Variants in STRBP observed in about 807,000 individuals in gnomAD.
STRBP encodes the protein spermatid perinuclear RNA-binding protein.
Under a neutral mutation model 80.1 loss-of-function variants are expected in STRBP, and 13 were observed. The observed-to-expected ratio is 0.16, with a 90% CI of 0.11 to 0.26. The LOEUF is 0.26. Among genes scored for constraint, STRBP ranks in the 10% least tolerant of loss-of-function variants. The pLI, the probability that STRBP is intolerant of heterozygous loss-of-function variation, is 1.00. For missense variants in STRBP, 485 were observed against 815.2 expected (o/e 0.59, Z 4.93); for synonymous variants, 284 against 291.2 (o/e 0.98, Z 0.25).
rs1451117071 is a variant in STRBP at position 123,122,932 on chromosome 9, GA to G, written c.*2664del. On this transcript the variant is annotated 3_prime_UTR_variant, in exon 19 of 19. Transcript: ENST00000348403. ...TACAGATATTGCTAGGTTTCCAAAGGAAAAGTTTTAAAACAGACACCGTGGC... is the reference window on the plus strand; with the variant it reads ...TACAGATATTGCTAGGTTTCCAAAGGAAAGTTTTAAAACAGACACCGTGGC... The G allele has an allele frequency of 1.6e-5, 16 of 985,338 alleles. No individual in the cohort carries two copies. The highest frequency in any genetic ancestry group is 1.8e-5 in the Non-Finnish European group (15 of 829,968). 61.0% of individuals were successfully genotyped at this position (985,338 alleles called of 1,614,324 possible).
At chr9:123,211,720 A>G (rs934781731) in intron 2 of STRBP, among the ~76,000 whole-genome samples, 2 of 152,212 alleles carry the variant, frequency 1.3e-5, no homozygotes, top group African/African-American at 2.4e-5. Context: ...AAGAGTTGTT[A>G]TACTATTTTC....
intron 4 of STRBP, among the ~76,000 whole-genome samples, chr9:123,178,374 TAA>T (rs1182335349): frequency 6.6e-6 from 1 of 152,210 alleles, no homozygotes; most frequent in African/African-American, 2.4e-5. Context: ...TAGCCTGGCA[TAA>T]AAAGATTAAT....
chr9:123,135,674 A>T (rs1185133585), intron 16 of STRBP: 1 of 159,608 alleles, frequency 6.3e-6, no homozygotes, highest in East Asian at 1.8e-4. Context: ...GGCTGATGAA[A>T]GCAAAGCCCC....
At chr9:123,231,285 G>A (rs2040391458) in intron 2 of STRBP, among the ~76,000 whole-genome samples, 2 of 151,992 alleles carry the variant, frequency 1.3e-5, no homozygotes, top group Admixed American at 6.6e-5. Flanking sequence ...ACTTCCAACT[G>A]CCTTCCACAC....
At chr9:123,152,306 C>T (rs2037091010) in intron 11 of STRBP, among the ~76,000 whole-genome samples, 1 of 152,050 alleles carries the variant, frequency 6.6e-6, no homozygotes, top group African/African-American at 2.4e-5. Flanking sequence ...GCCAGCATAA[C>T]ATTGAAGCCG....
intron 6 of STRBP, among the ~76,000 whole-genome samples, chr9:123,168,715 A>G (rs1192816660): frequency 6.6e-6 from 1 of 152,208 alleles, no homozygotes; most frequent in African/African-American, 2.4e-5. Flanking sequence ...CAATGCCTCT[A>G]AATTGTCATG....
At chr9:123,175,269 T>G (rs557047042) in intron 4 of STRBP, among the ~76,000 whole-genome samples, 1 of 152,278 alleles carries the variant, frequency 6.6e-6, no homozygotes, top group Non-Finnish European at 1.5e-5. Flanking sequence ...GAGGTCAAAA[T>G]TAGAGATGTC....
chr9:123,225,425 C>A (rs1009799985), intron 2 of STRBP, among the ~76,000 whole-genome samples: 2 of 152,140 alleles, frequency 1.3e-5, no homozygotes, highest in Admixed American at 1.3e-4. Flanking sequence ...ATCACAGCCA[C>A]CTCTGGAGGT....
chr9:123,116,519 G>A (rs2035647919), intron 2 of STRBP, among the ~76,000 whole-genome samples: 1 of 152,218 alleles, frequency 6.6e-6, no homozygotes, highest in South Asian at 2.1e-4. Context: ...ACCTTGCCCA[G>A]TAGCACACTA....
At chr9:123,243,265 C>CAAAAAAAAAAAAAAAAAAAAAAAA (rs1160280485) in intron 1 of STRBP, among the ~76,000 whole-genome samples, 4 of 78,950 alleles carry the variant, frequency 5.1e-5, no homozygotes, top group African/African-American at 1.1e-4. Context: ...ATCAATAAGA[C>CAAAAAAAAAAAAAAAAAAAAAAAA]AAAAAAAAAA....
At chr9:123,190,816 G>T (rs919596639) in intron 2 of STRBP, among the ~76,000 whole-genome samples, 10 of 152,174 alleles carry the variant, frequency 6.6e-5, no homozygotes, top group African/African-American at 2.4e-4. Context: ...CAAAAGAGTG[G>T]ATAACAGAAA....
intron 11 of STRBP, among the ~76,000 whole-genome samples, chr9:123,153,463 T>C (rs531667120): frequency 6.6e-6 from 1 of 152,268 alleles, no homozygotes; most frequent in African/African-American, 2.4e-5. Flanking sequence ...AGTGCTGGGA[T>C]TACAGGTGTG....
rs1038418050 is a variant in STRBP, at chr9:123,136,834, C to T, written c.1498-319G>A. 2.0e-5 allele frequency among the ~76,000 whole-genome samples: 3 copies of T among 152,146 alleles called. No homozygotes were observed. Among genetic ancestry groups the T allele is most frequent in the Non-Finnish European group, 2.9e-5 (2 of 68,030 alleles). On this transcript the variant is annotated intron_variant, in intron 14 of 18. Coordinates refer to ENST00000348403, the MANE Select transcript of STRBP (RefSeq NM_018387.5). The surrounding 1 kb of genome is among the most constrained non-coding windows in gnomAD (Gnocchi z 4.2). ...GATCTAAGAATAATACTCTAAATTA[C>T]TAATAACGAGAATAGAACAGTTTGG...
At chr9:123,197,092 C>T (rs2132498469) in intron 2 of STRBP, among the ~76,000 whole-genome samples, 1 of 152,206 alleles carries the variant, frequency 6.6e-6, no homozygotes, top group East Asian at 1.9e-4. Flanking sequence ...GCAACAACAA[C>T]ATGGATGGAA....
chr9:123,140,646 T>C (rs1054946926), intron 13 of STRBP, among the ~76,000 whole-genome samples: 1 of 151,946 alleles, frequency 6.6e-6, no homozygotes, highest in Admixed American at 6.6e-5. Flanking sequence ...CAAGATTCAG[T>C]CTCTAGGTTT....
intron 2 of STRBP, among the ~76,000 whole-genome samples, chr9:123,235,053 ATTACAACCAGTATTCAAATGACATACC>A (rs2040515497): frequency 1.3e-5 from 2 of 151,044 alleles, no homozygotes; most frequent in African/African-American, 4.9e-5. Context: ...CCGGAAACAC[ATTACAACCAGTATTCAAATGACATACC>A]TTATGTAACC....
intron 14 of STRBP, among the ~76,000 whole-genome samples, chr9:123,137,950 G>A (rs1203326061): frequency 6.6e-6 from 1 of 152,104 alleles, no homozygotes; most frequent in African/African-American, 2.4e-5. Flanking sequence ...GATAATGAGT[G>A]ATTTTTGAAA....
chr9:123,190,116 C>A (rs1035670109), intron 2 of STRBP, among the ~76,000 whole-genome samples: 1 of 151,914 alleles, frequency 6.6e-6, no homozygotes, highest in Non-Finnish European at 1.5e-5. Context: ...CTTGTCTCTA[C>A]TAAAAATACA....
intron 13 of STRBP, among the ~76,000 whole-genome samples, chr9:123,141,717 A>G (rs1290660220): frequency 1.3e-5 from 2 of 152,226 alleles, no homozygotes; most frequent in African/African-American, 4.8e-5. Context: ...TTCACTTATT[A>G]TTATTACAGC....
Sources: gnomAD v4.1 joint callset for allele counts (sites outside exome capture counted in the v4.1 genomes callset) on GRCh38, gnomAD v4.1.1 for gene constraint, Gnocchi (gnomAD v3.1) non-coding constraint, MANE v1.5 for transcripts, NCBI Gene and HGNC (gene_info 2026-07-23, HGNC 2026-07-21) for gene names.